The following OLFML2B variants were observed in gnomAD, a reference collection of about 807,000 sequenced individuals.
OLFML2B encodes the protein olfactomedin like 2B.
OLFML2B carries 57 observed loss-of-function variants against 74.9 expected under a neutral mutation model. The observed-to-expected ratio is 0.76, with a 90% CI of 0.61 to 0.95. The LOEUF (loss-of-function observed/expected upper bound fraction) is 0.95, where lower values mean the gene tolerates loss of function less well. OLFML2B is among the 40% of genes least tolerant of loss of function. The pLI is 0.00. For synonymous variants in OLFML2B, 388 were observed against 405.8 expected (o/e 0.96, Z 0.53); for missense variants, 986 against 970.6 (o/e 1.02, Z -0.21).
chr1:162,000,255 C>T lies in OLFML2B; in HGVS notation c.807G>A (p.Leu269=). Reference sequence around the variant, plus strand: ...GCCGCTGTGACTTCACCACCTCAGGCAGAGCCAGGGGTCGCGTCTGCAGAA... The same window carrying T: ...GCCGCTGTGACTTCACCACCTCAGGTAGAGCCAGGGGTCGCGTCTGCAGAA... ...IELLQTRPLA[L]PEVVKSQRPL... Residue 269 remains leucine, a synonymous_variant, in exon 5 of 8, where the codon CTG becomes CTA. Coordinates refer to ENST00000294794, the MANE Select transcript of OLFML2B (RefSeq NM_015441.3). The T allele has an allele frequency of 6.2e-7, 1 of 1,613,834 alleles. No homozygotes were observed. The highest frequency in any genetic ancestry group is 1.1e-5 in the South Asian group (1 of 91,070).
chr1:162,020,053 A>C lies in OLFML2B; in HGVS notation c.304T>G (p.Phe102Val). 6.2e-7 allele frequency: 1 copy of C among 1,614,128 alleles called. No homozygotes were observed. Reference protein sequence around the residue: ...INAGASRKEDFYTVETITSGS... With the variant: ...INAGASRKEDVYTVETITSGS... ...GAGGTGATGGTTTCCACGGTATAGA[A>C]GTCTTCCTTCCTGGAGGCCCCCGCA... Residue 102 changes from phenylalanine to valine, a missense_variant, in exon 2 of 8, where the codon TTC becomes GTC. Coordinates refer to ENST00000294794, the MANE Select transcript of OLFML2B (RefSeq NM_015441.3).
chr1:162,020,549 CAG>C (rs1449874197), intron 1 of OLFML2B, among the ~76,000 whole-genome samples: 2 of 149,830 alleles, frequency 1.3e-5, no homozygotes, highest in African/African-American at 4.9e-5. Flanking sequence ...TTTTTTGAGA[CAG>C]AGTCTCACTC....
chr1:161,983,964 T>C lies in OLFML2B; in HGVS notation c.1964A>G (p.Asp655Gly). The C allele has an allele frequency of 6.2e-7, 1 of 1,614,204 alleles. No homozygotes were observed. Among genetic ancestry groups the C allele is most frequent in the Non-Finnish European group, 8.5e-7 (1 of 1,180,028 alleles). ...TGTGGTCTCCTTCTGTGTGCTCAGG[T>C]CCGCGGCATTGAGCTTGCTCAGGAC... ...VIVLSKLNAADLSTQKETTWR... is the reference protein window; with the variant it reads ...VIVLSKLNAAGLSTQKETTWR... Residue 655 changes from aspartate (D) to glycine (G), a missense_variant, in exon 8 of 8, where the codon GAC (aspartate) becomes GGC (glycine). Physicochemically the swap from Asp to Gly is moderately conservative, Grantham distance 94. Coordinates refer to ENST00000294794, the MANE Select transcript of OLFML2B (RefSeq NM_015441.3).
intron 4 of OLFML2B, among the ~76,000 whole-genome samples, chr1:162,002,161 G>C (rs944397464): frequency 6.6e-6 from 1 of 152,226 alleles, no homozygotes; most frequent in African/African-American, 2.4e-5. Context: ...CAAAGTCAGG[G>C]CCACCCCACA....
chr1:161,984,181 G>C lies in OLFML2B; in HGVS notation c.1747C>G (p.Arg583Gly). ...GAFYYNRAFT[R>G]NIIKYDLKQR... ...TTCAGGTCGTACTTGATGATGTTGC[G>C]GGTGAAGGCGCGATTGTAGTAGAAG... The change falls in exon 8 of 8, where the codon CGC becomes GGC. Residue 583 changes from arginine (R) to glycine (G), a missense_variant. Physicochemically the swap from Arg to Gly is moderately radical, Grantham distance 125 (BLOSUM62 -2). Coordinates refer to ENST00000294794, the MANE Select transcript of OLFML2B (RefSeq NM_015441.3). 1 of 1,602,582 alleles carries C rather than the reference G, an allele frequency of 6.2e-7. No homozygotes were observed. The highest frequency in any genetic ancestry group is 8.5e-7 in the Non-Finnish European group (1 of 1,174,178).
chr1:162,016,458 C>T (rs968043510), intron 3 of OLFML2B, among the ~76,000 whole-genome samples: 1 of 152,140 alleles, frequency 6.6e-6, no homozygotes, highest in Non-Finnish European at 1.5e-5. Context: ...CCCAAAAGTC[C>T]ACTTTTTCAT....
intron 3 of OLFML2B, among the ~76,000 whole-genome samples, chr1:162,014,065 G>A (rs1558066965): frequency 1.3e-5 from 2 of 152,120 alleles, no homozygotes. Flanking sequence ...TAAGGATAAA[G>A]GTTCCCCTGA....
chr1:162,014,248 A>T (rs1231451298), intron 3 of OLFML2B, among the ~76,000 whole-genome samples: 1 of 152,242 alleles, frequency 6.6e-6, no homozygotes, highest in Admixed American at 6.5e-5. Flanking sequence ...TATTTAAAAC[A>T]AAAGCTTACC....
Position 162,006,460 on chromosome 1 carries a change from T to A in OLFML2B, c.560A>T (p.Asn187Ile), listed in dbSNP as rs778563885. ...GATTTGTTCATTTTCCTTGGTGAGG[T>A]TTTTAGACACTTCCTGAGAAGGAAA... ...VDKLEEEVSK[N>I]LTKENEQIKE... The change falls in exon 4 of 8, where the codon AAC (asparagine) becomes ATC (isoleucine). Residue 187 changes from asparagine to isoleucine, a missense_variant. Asn to Ile is a moderately radical substitution (Grantham distance 149). Transcript: ENST00000294794. The A allele has an allele frequency of 2.6e-6, 4 of 1,564,196 alleles. No individual in the cohort carries two copies. Among genetic ancestry groups the A allele is most frequent in the South Asian group, 2.4e-5 (2 of 84,874 alleles).
chr1:162,023,253 C>A lies in OLFML2B; in HGVS notation c.174+4G>T. 1 of 1,521,788 alleles carries A rather than the reference C, an allele frequency of 6.6e-7. No homozygotes were observed. Among genetic ancestry groups the A allele is most frequent in the South Asian group, 1.3e-5 (1 of 78,610 alleles). 94.3% of individuals were successfully genotyped at this position (1,521,788 alleles called of 1,614,324 possible). A position where few individuals can be genotyped will look rare whatever the true frequency, so the allele number is the denominator to read the frequency against. Reference sequence around the variant, plus strand: ...AAGGGCGGTCGTGGCACTCTGCATCCTACCTGAGATAAAACGTTCTCCTGG... The same window carrying A: ...AAGGGCGGTCGTGGCACTCTGCATCATACCTGAGATAAAACGTTCTCCTGG... On this transcript the variant is annotated splice_donor_region_variant and intron_variant, in intron 1 of 7. Transcript: ENST00000294794.
chr1:161,987,855 T>C (rs1458474821), intron 6 of OLFML2B, among the ~76,000 whole-genome samples: 1 of 152,330 alleles, frequency 6.6e-6, no homozygotes, highest in African/African-American at 2.4e-5. Flanking sequence ...CAAACACTGC[T>C]GCCCTGCGGA....
At chr1:161,994,448 A>G (rs970141334) in intron 6 of OLFML2B, among the ~76,000 whole-genome samples, 5 of 152,196 alleles carry the variant, frequency 3.3e-5, no homozygotes, top group African/African-American at 1.2e-4. Flanking sequence ...TCTCTCTGGT[A>G]TTGTTATAAA....
At position 161,983,772 on chromosome 1, in the gene OLFML2B, G is replaced by A; in HGVS notation, c.2156C>T (p.Ser719Phe). 1 of 1,614,058 alleles carries A rather than the reference G, an allele frequency of 6.2e-7. No homozygotes were observed. The highest frequency in any genetic ancestry group is 8.5e-7 in the Non-Finnish European group (1 of 1,180,010). ...GTTGTAGTCTATCTGGGTCGTATAG[G>A]AATACTCATTCTCGAACAGCAGCCT... ...VPRLLFENEYSYTTQIDYNPK... is the reference protein window; with the variant it reads ...VPRLLFENEYFYTTQIDYNPK... The change falls in exon 8 of 8, where the codon TCC becomes TTC. Residue 719 changes from serine to phenylalanine, a missense_variant. Transcript: ENST00000294794.
rs749921063 is a variant in OLFML2B at position 161,984,867 on chromosome 1, C to A, written c.1588G>T (p.Val530Leu). Residue 530 changes from valine (V) to leucine (L), a missense_variant, in exon 7 of 8, where the codon GTA becomes TTA. Transcript: ENST00000294794. ...DPLAKDERIY[V>L]TNYYYGNTLV... The stretch of plus-strand genomic sequence containing the variant: ...GTGTTGCCGTAGTAATAGTTGGTTA[C>A]GTAAATCCGCTCATCCTTGGCCAGG... 1.2e-6 allele frequency: 2 copies of A among 1,612,774 alleles called. No homozygotes were observed. Among genetic ancestry groups the A allele is most frequent in the Non-Finnish European group, 1.7e-6 (2 of 1,179,860 alleles).
At chr1:161,993,802 C>A (rs1197268164) in intron 6 of OLFML2B, among the ~76,000 whole-genome samples, 2 of 152,184 alleles carry the variant, frequency 1.3e-5, no homozygotes, top group East Asian at 3.9e-4. Flanking sequence ...AGCCCCATGG[C>A]AGAAGTGATA....
chr1:162,005,429 A>AG (rs781680175), intron 4 of OLFML2B, among the ~76,000 whole-genome samples: 1 of 152,200 alleles, frequency 6.6e-6, no homozygotes, highest in Non-Finnish European at 1.5e-5. Flanking sequence ...CTGTAAAATG[A>AG]GGCTATTGAT....
intron 6 of OLFML2B, among the ~76,000 whole-genome samples, chr1:161,989,602 C>T (rs1689679481): frequency 6.6e-6 from 1 of 152,256 alleles, no homozygotes; most frequent in East Asian, 1.9e-4. Flanking sequence ...TCACACAGGA[C>T]CCTTGCTTTG....
chr1:162,019,687 T>C (rs1690641650), intron 2 of OLFML2B, among the ~76,000 whole-genome samples: 1 of 151,114 alleles, frequency 6.6e-6, no homozygotes, highest in Non-Finnish European at 1.5e-5. Flanking sequence ...AGGCCCAGCC[T>C]CTCTGGCTCC....
intron 3 of OLFML2B, among the ~76,000 whole-genome samples, chr1:162,016,003 T>C (rs1027728843): frequency 2.0e-5 from 3 of 152,224 alleles, no homozygotes; most frequent in African/African-American, 7.2e-5. Flanking sequence ...CATCTCATCA[T>C]AGCATTGGAG....
Sources: gnomAD v4.1 joint callset for allele counts (sites outside exome capture counted in the v4.1 genomes callset) on GRCh38, gnomAD v4.1.1 for gene constraint, MANE v1.5 for transcripts, NCBI Gene and HGNC (gene_info 2026-07-23, HGNC 2026-07-21) for gene names.